RAC1: variants seen among roughly 807,000 people sequenced by gnomAD.
RAC1 encodes the protein Rac family small GTPase 1, also known as ras-related C3 botulinum toxin substrate 1.
In RAC1, 2 loss-of-function variants were observed where a neutral mutation model predicts 25.2. The ratio of observed to expected loss-of-function variants is 0.08; its 90% CI spans 0.03 to 0.25. RAC1 has a LOEUF of 0.25. Ranked by LOEUF, RAC1 falls within the 10% of genes least tolerant of loss-of-function variation. The probability of loss-of-function intolerance (pLI) is 1.00; values close to 1 mark genes in which losing one functional copy is unlikely to be tolerated. For synonymous variants in RAC1, 88 were observed against 94.0 expected (o/e 0.94, Z 0.37); for missense variants, 50 against 235.7 (o/e 0.21, Z 5.16).
chr7:6,381,007 T>TA (rs1453077995), intron 1 of RAC1, among the ~76,000 whole-genome samples: 1 of 152,124 alleles, frequency 6.6e-6, no homozygotes, highest in Non-Finnish European at 1.5e-5. Flanking sequence ...TAGCTGGGCT[T>TA]ACAGGCACCC....
intron 3 of RAC1, among the ~76,000 whole-genome samples, chr7:6,395,460 G>C (rs970928185): frequency 1.3e-5 from 2 of 152,180 alleles, no homozygotes; most frequent in African/African-American, 2.4e-5. Context: ...TCTTCGCCGC[G>C]AGGGAAACAC....
At chr7:6,395,097 G>A (rs34102620) in intron 3 of RAC1, among the ~76,000 whole-genome samples, 3,509 of 152,094 alleles carry the variant, frequency 0.023, 145 homozygotes, top group African/African-American at 0.08. Context: ...CTTGTGATCC[G>A]CCCGCCTTGG....
intron 1 of RAC1, among the ~76,000 whole-genome samples, chr7:6,383,305 A>C (rs1033010438): frequency 1.3e-5 from 2 of 152,234 alleles, no homozygotes; most frequent in Non-Finnish European, 2.9e-5. Context: ...ATGAATATAC[A>C]CTAATAGGAG....
At chr7:6,392,210 C>A (rs775910705) in intron 3 of RAC1, among the ~76,000 whole-genome samples, 169 bp downstream of exon 3, 1 of 152,010 alleles carries the variant, frequency 6.6e-6, no homozygotes, top group Non-Finnish European at 1.5e-5. Flanking sequence ...AGATGCAAGC[C>A]CAGGGGTTTT....
In RAC1 at chr7:6,384,772, G is replaced by A. The variant is rs145638596; in HGVS notation, c.36-2440G>A. 5.4e-3 allele frequency among the ~76,000 whole-genome samples: 818 copies of A among 151,156 alleles called. 5 individuals are homozygous for A. Among genetic ancestry groups the A allele is most frequent in the Admixed American group, 9.3e-3 (141 of 15,096 alleles). On this transcript the variant is annotated intron_variant, in intron 1 of 5. Coordinates refer to ENST00000348035, the MANE Select transcript of RAC1 (RefSeq NM_006908.5). The stretch of plus-strand genomic sequence containing the variant: ...TCCTGTGCTGGGATTACAGGCCTAA[G>A]CCACTGCACCAGGCTTTTATTTTTT...
intron 2 of RAC1, among the ~76,000 whole-genome samples, chr7:6,387,644 G>C (rs1353842113): frequency 6.6e-6 from 1 of 151,768 alleles, no homozygotes; most frequent in Non-Finnish European, 1.5e-5. Flanking sequence ...AGAATCACTC[G>C]AACCGTGGAG....
At chr7:6,394,417 CTT>C (rs1184899227) in intron 3 of RAC1, among the ~76,000 whole-genome samples, 1 of 152,142 alleles carries the variant, frequency 6.6e-6, no homozygotes, top group African/African-American at 2.4e-5. Context: ...AGAATCAAGT[CTT>C]GTCAGAGTAA....
At chr7:6,379,589 T>C (rs1469759656) in intron 1 of RAC1, among the ~76,000 whole-genome samples, 1 of 152,120 alleles carries the variant, frequency 6.6e-6, no homozygotes, top group Non-Finnish European at 1.5e-5. Context: ...TTTGTATTTT[T>C]AATAGAGACA....
chr7:6,403,290 A>G lies in RAC1; in HGVS notation c.*844A>G, dbSNP rs1307983285. Reference sequence around the variant, plus strand: ...AGATGATGAAAGAAAGGTTGGTATTATCAGGAAATGTTTTCTTAAGCTTTT... The same window carrying G: ...AGATGATGAAAGAAAGGTTGGTATTGTCAGGAAATGTTTTCTTAAGCTTTT... On this transcript the variant is annotated 3_prime_UTR_variant, in exon 6 of 6. Transcript: ENST00000348035. 9.4e-6 allele frequency: 2 copies of G among 212,248 alleles called. No individual in the cohort carries two copies. The highest frequency in any genetic ancestry group is 4.5e-5 in the African/African-American group (2 of 44,264). 13.1% of individuals were successfully genotyped at this position (212,248 alleles called of 1,614,324 possible).
At chr7:6,380,604 G>A (rs1182592926) in intron 1 of RAC1, among the ~76,000 whole-genome samples, 1 of 152,164 alleles carries the variant, frequency 6.6e-6, no homozygotes, top group African/African-American at 2.4e-5. Context: ...GAAAGGAGAT[G>A]TTTTTGTCAA....
chr7:6,400,232 C>G (rs183889858), intron 4 of RAC1, 44 bp downstream of exon 4: 5 of 1,500,858 alleles, frequency 3.3e-6, no homozygotes, highest in Non-Finnish European at 4.6e-6. Flanking sequence ...TAGAATGATC[C>G]TCTCAGAAAT....
chr7:6,381,390 C>CTT (rs71008386), intron 1 of RAC1, among the ~76,000 whole-genome samples: 6,641 of 132,110 alleles, frequency 0.05, 410 homozygotes, highest in African/African-American at 0.15. Context: ...TAATTGCTGG[C>CTT]TTTTTTTTTT....
chr7:6,388,243 G>A (rs775649885), intron 2 of RAC1, among the ~76,000 whole-genome samples: 6 of 151,734 alleles, frequency 4.0e-5, no homozygotes, highest in Non-Finnish European at 8.8e-5. Context: ...CTGGGGAGGT[G>A]TCGCCTCCTC....
At chr7:6,387,023 T>G (rs1782942637) in intron 1 of RAC1, among the ~76,000 whole-genome samples, 189 bp from the exon 2 acceptor site, 1 of 152,200 alleles carries the variant, frequency 6.6e-6, no homozygotes, top group Non-Finnish European at 1.5e-5. Flanking sequence ...AATTCTAGTT[T>G]GTTTACTTTA....
chr7:6,397,555 G>C (rs1783280680), intron 3 of RAC1, among the ~76,000 whole-genome samples: 1 of 152,136 alleles, frequency 6.6e-6, no homozygotes, highest in Admixed American at 6.5e-5. Context: ...GGCCTCCCAA[G>C]GTGTTGGGAT....
intron 3 of RAC1, 103 bp downstream of exon 3, chr7:6,392,144 T>C: frequency 1.3e-6 from 2 of 1,571,568 alleles, no homozygotes; most frequent in Non-Finnish European, 1.7e-6. Context: ...TGCCATCATT[T>C]GGGTATTGAG....
At chr7:6,401,805 G>C in intron 4 of RAC1, 63 bp from the exon 5 acceptor site, 5 of 1,542,800 alleles carry the variant, frequency 3.2e-6, no homozygotes, top group Non-Finnish European at 4.4e-6. Flanking sequence ...GGCTGGGTGT[G>C]ATTTAGGTGA....
intron 3 of RAC1, among the ~76,000 whole-genome samples, chr7:6,396,348 G>A (rs1206676388): frequency 1.3e-5 from 2 of 152,156 alleles, no homozygotes; most frequent in Admixed American, 1.3e-4. Context: ...GGACAGCGAC[G>A]GCCGGGAGGA....
At chr7:6,378,556 A>AG (rs1782671720) in intron 1 of RAC1, among the ~76,000 whole-genome samples, 1 of 152,176 alleles carries the variant, frequency 6.6e-6, no homozygotes, top group East Asian at 1.9e-4. Flanking sequence ...TGAAAAAAAA[A>AG]GAAAAAAAGT....
Sources: gnomAD v4.1 joint callset for allele counts (sites outside exome capture counted in the v4.1 genomes callset) on GRCh38, gnomAD v4.1.1 for gene constraint, MANE v1.5 for transcripts, NCBI Gene and HGNC (gene_info 2026-07-23, HGNC 2026-07-21) for gene names.